OR6N1: variants seen among roughly 807,000 people sequenced by gnomAD.
OR6N1 encodes olfactory receptor 6N1.
For missense variants in OR6N1, 394 were observed against 371.7 expected (o/e 1.06, Z -0.49); for synonymous variants, 170 against 150.7 (o/e 1.13, Z -0.94).
At chr1:158,814,698 C>A in the OR6N1 span, among the ~76,000 whole-genome samples, 5 of 152,220 alleles carry the variant, frequency 3.3e-5, no homozygotes, top group South Asian at 8.3e-4. Flanking sequence ...GCCCTCATGA[C>A]CTAATCAACT....
At chr1:158,781,415 C>T in the OR6N1 span, among the ~76,000 whole-genome samples, 1 of 152,182 alleles carries the variant, frequency 6.6e-6, no homozygotes, top group Non-Finnish European at 1.5e-5. Context: ...CTCTCACCTG[C>T]AGAGGTGGGC....
chr1:158,820,847 GA>G, the OR6N1 span, among the ~76,000 whole-genome samples: 16 of 151,874 alleles, frequency 1.1e-4, no homozygotes, highest in South Asian at 2.1e-4. Flanking sequence ...CCATGGCCTG[GA>G]AAAAAAACCC....
the OR6N1 span, among the ~76,000 whole-genome samples, chr1:158,786,386 C>T: frequency 3.3e-5 from 5 of 152,150 alleles, no homozygotes; most frequent in African/African-American, 4.8e-5. Flanking sequence ...AACATTTTTA[C>T]ACTGCTGACA....
At chr1:158,819,624 A>G in the OR6N1 span, among the ~76,000 whole-genome samples, 2 of 152,144 alleles carry the variant, frequency 1.3e-5, no homozygotes, top group African/African-American at 4.8e-5. Flanking sequence ...CGGGAGTTCC[A>G]AAAAAAGGTG....
At chr1:158,788,658 GCTGGAAACAT>G in the OR6N1 span, among the ~76,000 whole-genome samples, 3 of 151,934 alleles carry the variant, frequency 2.0e-5, no homozygotes, top group Non-Finnish European at 4.4e-5. Context: ...TCTTTATTTA[GCTGGAAACAT>G]CTGAATTATT....
the OR6N1 span, among the ~76,000 whole-genome samples, chr1:158,815,407 T>C: frequency 6.6e-6 from 1 of 152,106 alleles, no homozygotes; most frequent in East Asian, 1.9e-4. Flanking sequence ...CAACCACCTC[T>C]TAATAAAAAC....
At chr1:158,773,769 C>A (rs1360395547), upstream of OR6N1, among the ~76,000 whole-genome samples, 1 of 152,030 alleles carries the variant, frequency 6.6e-6, no homozygotes, top group Non-Finnish European at 1.5e-5. Context: ...TCTTTAAGTG[C>A]CTGCCTGAGA....
the OR6N1 span, among the ~76,000 whole-genome samples, chr1:158,788,057 C>T: frequency 8.2e-4 from 125 of 152,122 alleles, 1 homozygote; most frequent in African/African-American, 2.9e-3. Flanking sequence ...GTCTGACTAG[C>T]CCACCTACTA....
Position 158,765,920 on chromosome 1 carries a change from T to A in OR6N1, c.763A>T (p.Ile255Phe), listed in dbSNP as rs976527004. ...FTVVLIFYGS[I>F]LSMYVQLKKS... ...TTCAGCTGCACATACATGGAAAGGA[T>A]GCTCCCATAGAAGATGAGAACCACA... Residue 255 changes from isoleucine (I) to phenylalanine (F), a missense_variant, in exon 2 of 2, where the codon ATC becomes TTC. Ile to Phe is a conservative substitution (Grantham distance 21). Transcript: ENST00000641846. 2 of 1,614,182 alleles carry A rather than the reference T, an allele frequency of 1.2e-6. No homozygotes were observed. Among genetic ancestry groups the A allele is most frequent in the Non-Finnish European group, 1.7e-6 (2 of 1,180,022 alleles).
the OR6N1 span, among the ~76,000 whole-genome samples, chr1:158,788,641 G>A: frequency 1.3e-5 from 2 of 151,982 alleles, no homozygotes; most frequent in Admixed American, 6.6e-5. Context: ...ATCACTTTAA[G>A]TATTTATCTT....
At chr1:158,829,461 A>T in the OR6N1 span, among the ~76,000 whole-genome samples, 2 of 152,184 alleles carry the variant, frequency 1.3e-5, no homozygotes, top group African/African-American at 2.4e-5. Flanking sequence ...TTGCCAAAAC[A>T]TAACAAGAGT....
the OR6N1 span, among the ~76,000 whole-genome samples, chr1:158,828,230 T>A: frequency 6.6e-6 from 1 of 152,158 alleles, no homozygotes; most frequent in African/African-American, 2.4e-5. Flanking sequence ...CCATCATGCC[T>A]TCCCAACAGT....
the OR6N1 span, among the ~76,000 whole-genome samples, chr1:158,825,771 T>C: frequency 1.3e-5 from 2 of 152,190 alleles, no homozygotes; most frequent in African/African-American, 4.8e-5. Context: ...AATCCCATTA[T>C]TGGGTACATA....
chr1:158,777,677 G>C, the OR6N1 span: 6 of 1,296,474 alleles, frequency 4.6e-6, no homozygotes, highest in Non-Finnish European at 6.6e-6. Flanking sequence ...ACATTGGATT[G>C]AGATGACTGC....
At chr1:158,767,462 C>T (rs781469449) in intron 1 of OR6N1, among the ~76,000 whole-genome samples, 1 of 152,142 alleles carries the variant, frequency 6.6e-6, no homozygotes, top group Non-Finnish European at 1.5e-5. Flanking sequence ...TGGTTTATTG[C>T]TTCTGTAGAT....
upstream of OR6N1, among the ~76,000 whole-genome samples, chr1:158,773,358 A>G (rs967856486): frequency 2.0e-5 from 3 of 152,182 alleles, no homozygotes; most frequent in African/African-American, 7.2e-5. Flanking sequence ...CTAAATCCCT[A>G]TAAGGCAATT....
chr1:158,839,653 G>A, the OR6N1 span, among the ~76,000 whole-genome samples: 1 of 152,168 alleles, frequency 6.6e-6, no homozygotes, highest in African/African-American at 2.4e-5. Flanking sequence ...GGAAGAATGA[G>A]GAATTAGGAA....
the OR6N1 span, among the ~76,000 whole-genome samples, chr1:158,794,308 C>G: frequency 3.3e-5 from 5 of 152,194 alleles, no homozygotes; most frequent in Admixed American, 2.6e-4. Context: ...AGCACTGCAC[C>G]TGTGCCTCTT....
At chr1:158,826,214 C>G in the OR6N1 span, among the ~76,000 whole-genome samples, 2 of 151,782 alleles carry the variant, frequency 1.3e-5, no homozygotes, top group East Asian at 3.9e-4. Context: ...ACATCAAATC[C>G]CCAGGACACA....
Sources: gnomAD v4.1 joint callset for allele counts (sites outside exome capture counted in the v4.1 genomes callset) on GRCh38, gnomAD v4.1.1 for gene constraint, MANE v1.5 for transcripts, NCBI Gene and HGNC (gene_info 2026-07-23, HGNC 2026-07-21) for gene names.